The following EPHX1 variants were observed in gnomAD, a reference collection of about 807,000 sequenced individuals.
EPHX1 encodes the protein epoxide hydrolase 1.
A neutral mutation model predicts 43.2 loss-of-function variants in EPHX1; 40 were observed. That is an observed-to-expected ratio of 0.93 (90% CI 0.72 to 1.21). EPHX1 has a LOEUF of 1.21. Among genes scored for constraint, EPHX1 ranks in the 50% most tolerant of loss-of-function variants. The probability of loss-of-function intolerance (pLI) is 0.00; values close to 1 mark genes in which losing one functional copy is unlikely to be tolerated. For missense variants in EPHX1, 550 were observed against 570.4 expected (o/e 0.96, Z 0.36); for synonymous variants, 221 against 226.7 (o/e 0.98, Z 0.22).
chr1:225,831,056 A>G (rs1408176994), intron 2 of EPHX1, among the ~76,000 whole-genome samples: 1 of 152,088 alleles, frequency 6.6e-6, no homozygotes. Context: ...GTCCATAAAT[A>G]AAGTTTTATT....
chr1:225,841,007 C>T (rs1195394481), intron 6 of EPHX1: 1 of 152,206 alleles, frequency 6.6e-6, no homozygotes, highest in Non-Finnish European at 1.5e-5. Flanking sequence ...AACCTCTTCT[C>T]CCTCCCCACA....
chr1:225,839,741 C>T, intron 5 of EPHX1, 88 bp from the exon 6 acceptor site: 1 of 1,395,860 alleles, frequency 7.2e-7, no homozygotes. Flanking sequence ...CGCTCCTCAG[C>T]CCTGAGGCCT....
At chr1:225,826,792 C>G (rs1167497719) in intron 1 of EPHX1, among the ~76,000 whole-genome samples, 1 of 151,982 alleles carries the variant, frequency 6.6e-6, no homozygotes, top group Admixed American at 6.6e-5. Flanking sequence ...GATAAGGGCT[C>G]TGGTCCAGGG....
chr1:225,811,682 T>C (rs1666492001), intron 1 of EPHX1, among the ~76,000 whole-genome samples: 1 of 152,180 alleles, frequency 6.6e-6, no homozygotes, highest in South Asian at 2.1e-4. Flanking sequence ...TTCAGGGAGC[T>C]AGGTTTGGGG....
chr1:225,817,700 C>CTCAG lies in EPHX1; in HGVS notation c.-6+7535_-6+7538dup, dbSNP rs1243208040. Among the ~76,000 whole-genome samples, 1 of 152,250 alleles carries CTCAG rather than the reference C, an allele frequency of 6.6e-6. No homozygotes were observed. The highest frequency in any genetic ancestry group is 1.9e-4 in the East Asian group (1 of 5,200). ...ACTGGCTTTTCACGCTGCTGTGAGT[C>CTCAG]TCAGTCACTATTAGAGAAACACAGT... On this transcript the variant is annotated intron_variant, in intron 1 of 8. Coordinates refer to ENST00000272167, the MANE Select transcript of EPHX1 (RefSeq NM_001136018.4). This position sits in a 1 kb window ranked among gnomAD's most constrained non-coding sequence, Gnocchi z 5.7.
chr1:225,826,691 C>T (rs77354223), intron 1 of EPHX1, among the ~76,000 whole-genome samples: 195 of 152,292 alleles, frequency 1.3e-3, no homozygotes, highest in African/African-American at 4.5e-3. Flanking sequence ...ACGAAGGCTG[C>T]AGTCGGTTCT....
At chr1:225,831,992 G>A (rs774803759) in intron 3 of EPHX1, 33 bp downstream of exon 3, 7 of 1,606,950 alleles carry the variant, frequency 4.4e-6, no homozygotes, top group East Asian at 4.5e-5. Context: ...AGAGAGGGAT[G>A]TATGTCATGA....
chr1:225,814,769 C>T (rs2102678025), intron 1 of EPHX1, among the ~76,000 whole-genome samples: 1 of 152,372 alleles, frequency 6.6e-6, no homozygotes, highest in South Asian at 2.1e-4. Flanking sequence ...TTTGCTTTCC[C>T]TGTGGAACGA....
At chr1:225,839,158 GC>G in intron 4 of EPHX1, 58 bp from the exon 5 acceptor site, 1 of 1,612,298 alleles carries the variant, frequency 6.2e-7, no homozygotes. Context: ...ACACCAGAGG[GC>G]CCAAGGAGCA....
intron 6 of EPHX1, chr1:225,841,190 A>G (rs1173224400): frequency 1.3e-5 from 2 of 152,230 alleles, no homozygotes; most frequent in Non-Finnish European, 2.9e-5. Flanking sequence ...TTTAAGTCCT[A>G]TGAATAGAAT....
intron 1 of EPHX1, among the ~76,000 whole-genome samples, chr1:225,813,864 C>G (rs910328954): frequency 1.3e-5 from 2 of 152,182 alleles, no homozygotes; most frequent in Non-Finnish European, 2.9e-5. Flanking sequence ...CCTAACTGAG[C>G]AAGCTTGCAG....
intron 2 of EPHX1, among the ~76,000 whole-genome samples, chr1:225,829,725 CAT>C (rs1252514281): frequency 6.6e-6 from 1 of 152,102 alleles, no homozygotes; most frequent in Non-Finnish European, 1.5e-5. Context: ...CGTCCAACAG[CAT>C]ACAGTCCAGT....
Position 225,832,031 on chromosome 1 carries a change from C to G in EPHX1, c.364+72C>G, listed in dbSNP as rs373523374. Reference sequence around the variant, plus strand: ...CAGCCTTCTTCCACAATGTGACTTACAGTCAGATAAAGTTGGAGAGATTCA... The same window carrying G: ...CAGCCTTCTTCCACAATGTGACTTAGAGTCAGATAAAGTTGGAGAGATTCA... On this transcript the variant is annotated intron_variant, in intron 3 of 8. Transcript: ENST00000272167. The G allele has an allele frequency of 1.5e-5, 23 of 1,511,956 alleles. No individual in the cohort carries two copies. The South Asian group carries it at 2.4e-4, about 16-fold the overall frequency. 93.7% of individuals were successfully genotyped at this position (1,511,956 alleles called of 1,614,324 possible).
chr1:225,831,306 T>G (rs1287795073), intron 2 of EPHX1, among the ~76,000 whole-genome samples: 2 of 152,182 alleles, frequency 1.3e-5, no homozygotes, highest in Admixed American at 6.5e-5. Context: ...CCCACCACTT[T>G]GGGAGGCCAA....
rs1668265010 is a variant in EPHX1 at position 225,840,002 on chromosome 1, A to G, written c.896A>G (p.Tyr299Cys). ...TACAGCCTGATGAGGGAGAGCGGCT[A>G]CATGCACATCCAGTGCACCAAGCCT... ...VFYSLMRESG[Y>C]MHIQCTKPDT... Residue 299 changes from tyrosine (Y) to cysteine (C), a missense_variant, in exon 6 of 9, where the codon TAC (tyrosine) becomes TGC (cysteine). Tyr to Cys is a radical substitution (Grantham distance 194). Coordinates refer to ENST00000272167, the MANE Select transcript of EPHX1 (RefSeq NM_001136018.4). 3.7e-6 allele frequency: 6 copies of G among 1,614,166 alleles called. No individual in the cohort carries two copies. In the South Asian group the frequency reaches 6.6e-5, roughly 18 times the overall value.
chr1:225,840,094 C>T (rs1668278680), intron 6 of EPHX1, 57 bp downstream of exon 6: 2 of 1,575,060 alleles, frequency 1.3e-6, no homozygotes, highest in East Asian at 2.2e-5. Context: ...AGGGAGACAC[C>T]CGCGGGGTAA....
At position 225,844,681 on chromosome 1, in the gene EPHX1, AGTCTTGG is replaced by A. The variant is rs1668778668; in HGVS notation, c.1166+60_1166+66del. The A allele has an allele frequency of 5.0e-6, 8 of 1,607,608 alleles. No individual in the cohort carries two copies. In the East Asian group the frequency reaches 1.8e-4, roughly 36 times the overall value. ...TGAGGCTGGAGGCAGGGGGACGGCC[AGTCTTGG>A]GCTCCACGAAGGGCACTTGGTGGTG... On this transcript the variant is annotated intron_variant, in intron 8 of 8. Coordinates refer to ENST00000272167, the MANE Select transcript of EPHX1 (RefSeq NM_001136018.4).
intron 1 of EPHX1, among the ~76,000 whole-genome samples, chr1:225,827,010 A>G (rs1395286705): frequency 3.9e-5 from 6 of 152,236 alleles, no homozygotes. Context: ...GGCGAGAGCC[A>G]TCGCCCTGGG....
At chr1:225,830,390 A>G (rs1033475499) in intron 2 of EPHX1, among the ~76,000 whole-genome samples, 1 of 152,186 alleles carries the variant, frequency 6.6e-6, no homozygotes, top group African/African-American at 2.4e-5. Context: ...CTAAGCTGAC[A>G]TGAACTTCCT....
Sources: gnomAD v4.1 joint callset for allele counts (sites outside exome capture counted in the v4.1 genomes callset) on GRCh38, gnomAD v4.1.1 for gene constraint, Gnocchi (gnomAD v3.1) non-coding constraint, MANE v1.5 for transcripts, NCBI Gene and HGNC (gene_info 2026-07-23, HGNC 2026-07-21) for gene names.